The following SP110 variants were observed in gnomAD, a reference collection of about 807,000 sequenced individuals.
SP110 encodes the protein interferon-induced protein 41, 30kD.
Under a neutral mutation model 92.7 loss-of-function variants are expected in SP110, and 62 were observed. That is an observed-to-expected ratio of 0.67 (90% confidence interval 0.55 to 0.83). The LOEUF is 0.83. Ranked by LOEUF, SP110 falls within the 40% of genes least tolerant of loss-of-function variation. SP110 has a pLI of 0.00. For synonymous variants in SP110, 273 were observed against 305.3 expected, an observed-to-expected ratio of 0.89 and a Z score of 1.10; for missense variants, 793 against 863.9, an observed-to-expected ratio of 0.92 and a Z score of 1.03.
At chr2:230,183,716 AT>A (rs2042231404) in intron 11 of SP110, 76 bp from the exon 12 acceptor site, 6 of 999,554 alleles carry the variant, frequency 6.0e-6, no homozygotes, top group African/African-American at 3.2e-5. Flanking sequence ...ATCTTCAAGC[AT>A]TTTTTCCTGT....
Position 230,171,283 on chromosome 2 carries a change from G to T in SP110, c.1887+413C>A, listed in dbSNP as rs6436916. On this transcript the variant is annotated intron_variant, in intron 17 of 18. Coordinates refer to ENST00000258381, the MANE Select transcript of SP110 (RefSeq NM_080424.4). Reference sequence around the variant, plus strand: ...AATTTTGTATTTTTAGTAGAGATGGGGTTTTGCCATGTTGGCCAAGCTGGT... The same window carrying T: ...AATTTTGTATTTTTAGTAGAGATGGTGTTTTGCCATGTTGGCCAAGCTGGT... Among the ~76,000 whole-genome samples, 235 of 152,152 alleles carry T rather than the reference G, an allele frequency of 1.5e-3. 1 individual carries two copies. Among genetic ancestry groups the T allele is most frequent in the African/African-American group, 5.2e-3 (217 of 41,500 alleles).
intron 2 of SP110, 27 bp downstream of exon 2, chr2:230,216,754 G>T (rs955690323): frequency 1.2e-5 from 20 of 1,612,818 alleles, no homozygotes; most frequent in Non-Finnish European, 1.5e-5. Context: ...GGGCTGGGCT[G>T]CCATGGAAGG....
chr2:230,202,472 T>C (rs1184827596), intron 9 of SP110, 107 bp downstream of exon 9: 3 of 1,044,716 alleles, frequency 2.9e-6, no homozygotes, highest in African/African-American at 3.2e-5. Flanking sequence ...CTCTGTACTT[T>C]TTCCTTTTAC....
intron 14 of SP110, among the ~76,000 whole-genome samples, chr2:230,175,234 C>T (rs890147264): frequency 1.3e-5 from 2 of 152,174 alleles, no homozygotes; most frequent in African/African-American, 4.8e-5. Context: ...TCCTTCCCCA[C>T]ACGTCACAAC....
chr2:230,202,506 ACT>A, intron 9 of SP110, 71 bp downstream of exon 9: 1 of 1,439,072 alleles, frequency 6.9e-7, no homozygotes, highest in Non-Finnish European at 9.8e-7. Context: ...TATCTACTTA[ACT>A]CTGTACCTGC....
rs1396764952 is a variant in SP110 at position 230,169,171 on chromosome 2, G to A, written c.2095C>T (p.Leu699Phe). 15 of 1,613,794 alleles carry A rather than the reference G, an allele frequency of 9.3e-6. No homozygotes were observed. Among genetic ancestry groups the A allele is most frequent in the Non-Finnish European group, 1.3e-5 (15 of 1,179,874 alleles). ...CCGTCATTGGCTTCATGAAAACCGAGCACGTCTTTGAGATCTTTTTCAAAT... is the reference window on the plus strand; with the variant it reads ...CCGTCATTGGCTTCATGAAAACCGAACACGTCTTTGAGATCTTTTTCAAAT... ...AEFEKDLKDV[L>F]GFHEANDGGF... The change falls in exon 19 of 19, where the codon CTC becomes TTC. Residue 699 changes from leucine to phenylalanine, a missense_variant. Physicochemically the swap from Leu to Phe is conservative, Grantham distance 22. Coordinates refer to ENST00000258381, the MANE Select transcript of SP110 (RefSeq NM_080424.4).
rs199844454 is a variant in SP110, at chr2:230,183,578, G to C, written c.1342C>G (p.Arg448Gly). The change falls in exon 12 of 19, where the codon CGA (arginine) becomes GGA (glycine). Residue 448 changes from arginine to glycine, a missense_variant. By Grantham distance (125) the Arg-to-Gly change is moderately radical. Transcript: ENST00000258381. The part of the protein sequence containing the change: ...SKRRFQKNIH[R>G]RGKPKSDTVD... ...CTGTGGCTTGCTTGCTTACCTCTTC[G>C]GTGAATATTTTTCTGAAATCTCCTT... 51 of 1,608,802 alleles carry C rather than the reference G, an allele frequency of 3.2e-5. 2 individuals are homozygous for C. The South Asian group carries it at 5.3e-4, about 17-fold the overall frequency.
intron 13 of SP110, 72 bp from the exon 14 acceptor site, chr2:230,177,752 T>A (rs2041931857): frequency 6.5e-7 from 1 of 1,536,948 alleles, no homozygotes; most frequent in East Asian, 2.2e-5. Context: ...TTCATCCTAA[T>A]TGTGGCCTTC....
At chr2:230,212,455 C>T (rs1317682712) in intron 4 of SP110, 25 bp from the exon 5 acceptor site, 2 of 1,531,570 alleles carry the variant, frequency 1.3e-6, no homozygotes, top group South Asian at 2.2e-5. Context: ...GAAATTATTA[C>T]AGATTGCAGG....
rs201046446 is a variant in SP110 at position 230,202,606 on chromosome 2, C to G, written c.1021G>C (p.Glu341Gln). 1.2e-6 allele frequency: 2 copies of G among 1,614,084 alleles called. No individual in the cohort carries two copies. Among genetic ancestry groups the G allele is most frequent in the African/African-American group, 1.3e-5 (1 of 74,924 alleles). The change falls in exon 9 of 19, where the codon GAA becomes CAA. Residue 341 changes from glutamate to glutamine, a missense_variant. Glu to Gln is a conservative substitution (Grantham distance 29). Transcript: ENST00000258381. Reference protein sequence around the residue: ...VETRAQKARTECARKSRSEEI... With the variant: ...VETRAQKARTQCARKSRSEEI... ...TCTGATCTCGACTTTCGGGCACATTCAGTTCTCGCCTTTTGGGCCCTTGTC... is the reference window on the plus strand; with the variant it reads ...TCTGATCTCGACTTTCGGGCACATTGAGTTCTCGCCTTTTGGGCCCTTGTC...
intron 2 of SP110, 114 bp downstream of exon 2, chr2:230,216,667 C>T (rs973565920): frequency 1.6e-6 from 2 of 1,271,004 alleles, no homozygotes; most frequent in Non-Finnish European, 2.3e-6. Flanking sequence ...AATGAACATG[C>T]CTGGGCTGGG....
intron 10 of SP110, among the ~76,000 whole-genome samples, chr2:230,192,235 T>G (rs886251296): frequency 6.6e-6 from 1 of 152,190 alleles, no homozygotes; most frequent in Non-Finnish European, 1.5e-5. Flanking sequence ...AAGACAAGGA[T>G]GCCCTCTCTC....
intron 14 of SP110, among the ~76,000 whole-genome samples, chr2:230,174,796 G>A (rs911873982): frequency 2.0e-5 from 3 of 152,392 alleles, no homozygotes; most frequent in East Asian, 3.9e-4. Flanking sequence ...TGAGACTGCA[G>A]TGGAGACAGA....
rs541328819 is a variant in SP110 at position 230,184,142 on chromosome 2, C to T, written c.1280-502G>A. On this transcript the variant is annotated intron_variant, in intron 11 of 18. Transcript: ENST00000258381. ...AGCAGGATGGTGCAAGACTTTGTCA[C>T]GCTACTCAGAACAGCGCATCATTTT... Among the ~76,000 whole-genome samples the T allele has an allele frequency of 1.8e-4, 27 of 152,300 alleles. 1 individual carries two copies. Among genetic ancestry groups the T allele is most frequent in the South Asian group, 6.2e-4 (3 of 4,832 alleles).
chr2:230,202,729 C>T lies in SP110; in HGVS notation c.899-1G>A, dbSNP rs751053906. ...ATTCCGTGTCTAGATGAGGCTGTCCCTGGACCAAATAATGACTTGTTAATA... is the reference window on the plus strand; with the variant it reads ...ATTCCGTGTCTAGATGAGGCTGTCCTTGGACCAAATAATGACTTGTTAATA... On this transcript the variant is annotated splice_acceptor_variant, in intron 8 of 18. Transcript: ENST00000258381. LOFTEE classifies it high-confidence loss of function. 2 of 1,614,012 alleles carry T rather than the reference C, an allele frequency of 1.2e-6. No homozygotes were observed.
At chr2:230,205,412 A>T (rs1390836889) in intron 8 of SP110, among the ~76,000 whole-genome samples, 1 of 151,576 alleles carries the variant, frequency 6.6e-6, no homozygotes, top group Admixed American at 6.6e-5. Context: ...ATCCAAAGTG[A>T]CTCCCACCCC....
chr2:230,195,874 A>AT (rs1454330409), intron 10 of SP110, among the ~76,000 whole-genome samples: 3 of 152,216 alleles, frequency 2.0e-5, no homozygotes, highest in Admixed American at 6.5e-5. Flanking sequence ...TAGCATATAG[A>AT]AGGTTAATAT....
At chr2:230,169,375 C>A in intron 18 of SP110, 138 bp from the exon 19 acceptor site, 1 of 687,478 alleles carries the variant, frequency 1.5e-6, no homozygotes, top group Non-Finnish European at 2.7e-6. Flanking sequence ...GTGGCACCGT[C>A]ATGGCTCACT....
upstream of SP110, among the ~76,000 whole-genome samples, chr2:230,222,613 A>C (rs1246806207): frequency 6.6e-6 from 1 of 151,822 alleles, no homozygotes; most frequent in Non-Finnish European, 1.5e-5. Flanking sequence ...GGTCCCCGCT[A>C]TCAGGGAGAC....
Sources: gnomAD v4.1 joint callset for allele counts (sites outside exome capture counted in the v4.1 genomes callset) on GRCh38, gnomAD v4.1.1 for gene constraint, MANE v1.5 for transcripts, NCBI Gene and HGNC (gene_info 2026-07-23, HGNC 2026-07-21) for gene names.